The following RYR2 variants were observed in gnomAD, a reference collection of about 807,000 sequenced individuals.
RYR2 encodes ryanodine receptor 2.
A neutral mutation model predicts 601.1 loss-of-function variants in RYR2; 227 were observed. The observed-to-expected ratio is 0.38, with a 90% confidence interval of 0.34 to 0.42. The LOEUF (loss-of-function observed/expected upper bound fraction) is 0.42. Ranked by LOEUF, RYR2 falls within the 10% of genes least tolerant of loss-of-function variation. The pLI, the probability that RYR2 is intolerant of heterozygous loss-of-function variation, is 1.00. For synonymous variants in RYR2, 2,223 were observed against 2,175.1 expected, an observed-to-expected ratio of 1.02 and a Z score of -0.61; for missense variants, 4,646 against 6,156.5, an observed-to-expected ratio of 0.75 and a Z score of 8.21.
At chr1:237,764,090 C>G (rs1693648673) in intron 84 of RYR2, among the ~76,000 whole-genome samples, 1 of 152,158 alleles carries the variant, frequency 6.6e-6, no homozygotes, top group African/African-American at 2.4e-5. Context: ...TAAGTCTCTT[C>G]CTAATGACGA....
At chr1:237,187,737 G>A (rs891310248) in intron 1 of RYR2, among the ~76,000 whole-genome samples, 5 of 152,136 alleles carry the variant, frequency 3.3e-5, no homozygotes, top group African/African-American at 1.2e-4. Context: ...GAGCCACTGA[G>A]CCTGGCCCAC....
intron 10 of RYR2, among the ~76,000 whole-genome samples, chr1:237,393,612 T>G (rs1306875858): frequency 6.6e-6 from 1 of 152,232 alleles, no homozygotes; most frequent in African/African-American, 2.4e-5. Context: ...ATGAGGGTTT[T>G]TCTTCTTTTT....
chr1:237,479,973 A>C lies in RYR2; in HGVS notation c.1708+10786A>C, dbSNP rs565198622. 7.2e-5 allele frequency among the ~76,000 whole-genome samples: 11 copies of C among 152,342 alleles called. No homozygotes were observed. In the South Asian group the frequency reaches 2.3e-3, roughly 32 times the overall value. ...CCTCTGTAGTCTGTCTGTAAGCTCT[A>C]TGAGAGCAGGGATGAGGCCAATTTT... On this transcript the variant is annotated intron_variant, in intron 17 of 104. Transcript: ENST00000366574.
chr1:237,442,164 G>A (rs1707966177), intron 13 of RYR2, among the ~76,000 whole-genome samples: 2 of 152,198 alleles, frequency 1.3e-5, no homozygotes, highest in South Asian at 4.1e-4. Flanking sequence ...GCCAGGGTGA[G>A]CTGGGTTAGC....
intron 17 of RYR2, among the ~76,000 whole-genome samples, chr1:237,473,427 C>CTTTT (rs1553464621): frequency 9.8e-6 from 1 of 102,532 alleles, no homozygotes; most frequent in Non-Finnish European, 1.8e-5. Flanking sequence ...CCATCTCTCT[C>CTTTT]TCTCTCTTTC....
At chr1:237,824,022 T>C (rs1048303331) in intron 101 of RYR2, among the ~76,000 whole-genome samples, 8 of 152,102 alleles carry the variant, frequency 5.3e-5, no homozygotes, top group Non-Finnish European at 1.2e-4. Flanking sequence ...AGTTCTGAAA[T>C]TGAGGCAGTA....
intron 1 of RYR2, among the ~76,000 whole-genome samples, chr1:237,265,272 C>T (rs796411642): frequency 5.3e-5 from 8 of 152,252 alleles, no homozygotes; most frequent in African/African-American, 1.4e-4. Context: ...AGATATTGGG[C>T]TGGTGCCAGA....
chr1:237,512,297 G>T (rs1665995671), intron 24 of RYR2, among the ~76,000 whole-genome samples: 1 of 152,050 alleles, frequency 6.6e-6, no homozygotes, highest in Non-Finnish European at 1.5e-5. Context: ...CAATTTTATT[G>T]TATTATATCA....
chr1:237,607,481 G>A (rs920280618), intron 35 of RYR2, among the ~76,000 whole-genome samples: 5 of 152,076 alleles, frequency 3.3e-5, no homozygotes, highest in African/African-American at 7.2e-5. Flanking sequence ...TGTAAATGAC[G>A]CGTTAATGGG....
chr1:237,564,296 A>G (rs1387359132), intron 27 of RYR2, among the ~76,000 whole-genome samples: 2 of 152,068 alleles, frequency 1.3e-5, no homozygotes, highest in Non-Finnish European at 2.9e-5. Context: ...TTAAACACAG[A>G]GTCTTGCTCT....
At chr1:237,696,310 A>G (rs1267133262) in intron 63 of RYR2, among the ~76,000 whole-genome samples, 1 of 152,144 alleles carries the variant, frequency 6.6e-6, no homozygotes, top group Non-Finnish European at 1.5e-5. Context: ...TAGGACTCAT[A>G]TACGTTGCAC....
chr1:237,673,790 G>T (rs549160929), intron 58 of RYR2, among the ~76,000 whole-genome samples: 1 of 152,132 alleles, frequency 6.6e-6, no homozygotes, highest in African/African-American at 2.4e-5. Flanking sequence ...TGCTTTGAAC[G>T]CAGAAGAGAA....
rs879778114 is a variant in RYR2 at position 237,042,335 on chromosome 1, C to T, written c.-187C>T. On this transcript the variant is annotated 5_prime_UTR_variant, in exon 1 of 105. Coordinates refer to ENST00000366574, the MANE Select transcript of RYR2 (RefSeq NM_001035.3). ...GGAGGCCCCGCGCCTCGACCACCCG[C>T]GCCCGAGCGTCCGCGCCTCCTCCTC... 8.2e-6 allele frequency: 3 copies of T among 368,062 alleles called. No individual in the cohort carries two copies. Among genetic ancestry groups the T allele is most frequent in the Non-Finnish European group, 8.6e-6 (2 of 233,808 alleles). The allele number at this position is 368,062 out of a possible 1,614,324, so 22.8% of individuals were successfully genotyped here.
At chr1:237,593,719 T>A in intron 33 of RYR2, 83 bp downstream of exon 33, 1 of 1,411,448 alleles carries the variant, frequency 7.1e-7, no homozygotes, top group Non-Finnish European at 9.8e-7. Context: ...TTGTATTTTG[T>A]GACCAAGGTA....
chr1:237,378,138 TC>T (rs1701183143), intron 8 of RYR2, among the ~76,000 whole-genome samples: 1 of 152,112 alleles, frequency 6.6e-6, no homozygotes, highest in African/African-American at 2.4e-5. Context: ...GCAGGGGAAC[TC>T]CTCTTTTTAA....
chr1:237,153,403 C>G (rs1234715219), intron 1 of RYR2, among the ~76,000 whole-genome samples: 1 of 152,132 alleles, frequency 6.6e-6, no homozygotes, highest in African/African-American at 2.4e-5. Context: ...GAAACCTAAA[C>G]TGTTCTGTGT....
intron 65 of RYR2, 41 bp downstream of exon 65, chr1:237,700,508 G>A (rs1049367011): frequency 1.4e-5 from 13 of 946,930 alleles, no homozygotes; most frequent in African/African-American, 5.1e-5. Context: ...TTTTTTAATC[G>A]AAATACCCTG....
At chr1:237,110,867 G>C (rs1669393155) in intron 1 of RYR2, among the ~76,000 whole-genome samples, 1 of 152,236 alleles carries the variant, frequency 6.6e-6, no homozygotes, top group Non-Finnish European at 1.5e-5. Flanking sequence ...CAGCCACTTT[G>C]CTGCAAGGTG....
chr1:237,339,435 T>A (rs2149605998), intron 3 of RYR2, among the ~76,000 whole-genome samples: 1 of 152,240 alleles, frequency 6.6e-6, no homozygotes, highest in African/African-American at 2.4e-5. Flanking sequence ...ATGTTTTATT[T>A]TTATAACAGT....
Sources: gnomAD v4.1 joint callset for allele counts (sites outside exome capture counted in the v4.1 genomes callset) on GRCh38, gnomAD v4.1.1 for gene constraint, MANE v1.5 for transcripts, NCBI Gene and HGNC (gene_info 2026-07-23, HGNC 2026-07-21) for gene names.